UPP1: variants seen among roughly 807,000 people sequenced by gnomAD.
UPP1 encodes the protein UPase 1.
In UPP1, 25 loss-of-function variants were observed where a neutral mutation model predicts 29.6. The ratio of observed to expected loss-of-function variants is 0.85; its 90% CI spans 0.62 to 1.18. The LOEUF (loss-of-function observed/expected upper bound fraction) is 1.18, where lower values mean the gene tolerates loss of function less well. UPP1 is among the 50% of genes most tolerant of loss of function. The pLI, the probability that UPP1 is intolerant of heterozygous loss-of-function variation, is 0.00. For synonymous variants in UPP1, 165 were observed against 159.8 expected (o/e 1.03, Z -0.25); for missense variants, 368 against 410.4 (o/e 0.90, Z 0.89).
In UPP1 at chr7:48,108,459, A is replaced by G; in HGVS notation, c.*102A>G. 1 of 1,351,892 alleles carries G rather than the reference A, an allele frequency of 7.4e-7. No homozygotes were observed. Among genetic ancestry groups the G allele is most frequent in the Non-Finnish European group, 9.9e-7 (1 of 1,009,728 alleles). The allele number at this position is 1,351,892 out of a possible 1,614,324, so 83.7% of individuals were successfully genotyped here. On this transcript the variant is annotated 3_prime_UTR_variant, in exon 9 of 9. Coordinates refer to ENST00000395564, the MANE Select transcript of UPP1 (RefSeq NM_003364.4). ...GACTTTGAGCACACTTTACACAAGA[A>G]TCTAGAAAATCAGATCGCGATTAAG...
intron 2 of UPP1, among the ~76,000 whole-genome samples, chr7:48,091,474 G>C (rs1365207277): frequency 6.6e-6 from 1 of 152,158 alleles, no homozygotes; most frequent in Non-Finnish European, 1.5e-5. Flanking sequence ...GGGGAGCGAA[G>C]AGCATGGCTT....
intron 2 of UPP1, among the ~76,000 whole-genome samples, chr7:48,091,261 T>TA (rs547438908): frequency 6.0e-4 from 85 of 141,702 alleles, no homozygotes; most frequent in East Asian, 2.8e-3. Flanking sequence ...GGGTTAAAAC[T>TA]AAAAAAAAAA....
intron 4 of UPP1, among the ~76,000 whole-genome samples, chr7:48,100,099 G>C (rs549644535): frequency 6.6e-6 from 1 of 152,304 alleles, no homozygotes; most frequent in East Asian, 1.9e-4. Flanking sequence ...GGACAACATA[G>C]AGCGTAACCA....
chr7:48,093,350 A>G (rs1197669958), intron 2 of UPP1, among the ~76,000 whole-genome samples: 1 of 152,220 alleles, frequency 6.6e-6, no homozygotes, highest in Non-Finnish European at 1.5e-5. Context: ...GAAGGTGAGA[A>G]CCGTGTGGTG....
rs1432554199 is a variant in UPP1 at position 48,108,730 on chromosome 7, T to C, written c.*373T>C. The stretch of plus-strand genomic sequence containing the variant: ...TTCCTGATACATTAAAAAAATTCCA[T>C]GCACCACTTGCAATGAGAGATGACT... On this transcript the variant is annotated 3_prime_UTR_variant, in exon 9 of 9. Transcript: ENST00000395564. 1 of 172,666 alleles carries C rather than the reference T, an allele frequency of 5.8e-6. No homozygotes were observed. Among genetic ancestry groups the C allele is most frequent in the African/African-American group, 2.4e-5 (1 of 42,088 alleles). 10.7% of individuals were successfully genotyped at this position (172,666 alleles called of 1,614,324 possible). A position where few individuals can be genotyped will look rare whatever the true frequency, so the allele number is the denominator to read the frequency against.
chr7:48,099,092 A>G (rs2128812033), intron 3 of UPP1, among the ~76,000 whole-genome samples: 1 of 152,352 alleles, frequency 6.6e-6, no homozygotes, highest in African/African-American at 2.4e-5. Flanking sequence ...CTAGACCAGC[A>G]TGTGCCACGA....
chr7:48,106,289 G>C (rs1416626251), intron 6 of UPP1: 1 of 155,704 alleles, frequency 6.4e-6, no homozygotes, highest in Non-Finnish European at 1.4e-5. Context: ...GTACTTGAAG[G>C]TTCCTGGCCA....
intron 3 of UPP1, 98 bp downstream of exon 3, chr7:48,094,925 T>A: frequency 7.3e-7 from 1 of 1,374,208 alleles, no homozygotes; most frequent in Non-Finnish European, 1.0e-6. Flanking sequence ...TGACATATAT[T>A]AACACATTTG....
intron 6 of UPP1, among the ~76,000 whole-genome samples, chr7:48,104,232 A>C (rs183886925): frequency 6.6e-6 from 1 of 152,118 alleles, no homozygotes; most frequent in African/African-American, 2.4e-5. Context: ...CAACAACAAC[A>C]AACAAACAAA....
rs370845490 is a variant in UPP1, at chr7:48,108,375, C to T, written c.*18C>T. The T allele has an allele frequency of 2.2e-5, 35 of 1,604,390 alleles. No homozygotes were observed. The African/African-American group carries it at 2.5e-4, about 12-fold the overall frequency. ...AGGCCTGAGCGCTGCCCTGCACCTC[C>T]GCAGACCTGCTGTGATGACTTGCCA... is the stretch of plus-strand genomic sequence containing the variant. On this transcript the variant is annotated 3_prime_UTR_variant, in exon 9 of 9. Transcript: ENST00000395564.
At chr7:48,090,429 T>C (rs999510183) in intron 2 of UPP1, 65 bp downstream of exon 2, 13 of 152,274 alleles carry the variant, frequency 8.5e-5, no homozygotes, top group Non-Finnish European at 1.5e-5. Flanking sequence ...GTGAAGGCCA[T>C]AGAGGCAGTT....
Position 48,108,415 on chromosome 7 carries a change from C to A in UPP1, c.*58C>A. On this transcript the variant is annotated 3_prime_UTR_variant, in exon 9 of 9. Transcript: ENST00000395564. Reference sequence around the variant, plus strand: ...ATGACTTGCCATTAAAAGCATTGTCCAAAATCCCCTGTTGTGTGGACTTTG... The same window carrying A: ...ATGACTTGCCATTAAAAGCATTGTCAAAAATCCCCTGTTGTGTGGACTTTG... 1 of 1,567,120 alleles carries A rather than the reference C, an allele frequency of 6.4e-7. No homozygotes were observed. The highest frequency in any genetic ancestry group is 8.7e-7 in the Non-Finnish European group (1 of 1,148,608).
Position 48,101,987 on chromosome 7 carries a change from G to A in UPP1, c.321+5G>A. The A allele has an allele frequency of 6.2e-7, 1 of 1,612,514 alleles. No homozygotes were observed. The highest frequency in any genetic ancestry group is 8.5e-7 in the Non-Finnish European group (1 of 1,179,092). On this transcript the variant is annotated splice_donor_5th_base_variant and intron_variant, in intron 5 of 8. Transcript: ENST00000395564. ...GGACCGGTGCTGTCTGTCAGTGTGA[G>A]TACCTGCCTTCCCTTGTGCTCAGTC...
At chr7:48,107,239 A>T in intron 7 of UPP1, 122 bp from the exon 8 acceptor site, 7 of 1,426,782 alleles carry the variant, frequency 4.9e-6, no homozygotes, top group Non-Finnish European at 6.7e-6. Context: ...TTGAGTGGTC[A>T]TTATAGGCAG....
At chr7:48,104,698 A>G (rs1276838088) in intron 6 of UPP1, 2 of 152,196 alleles carry the variant, frequency 1.3e-5, no homozygotes, top group Non-Finnish European at 2.9e-5. Flanking sequence ...TATGACTGTA[A>G]TTCCAAGTTT....
At chr7:48,099,812 T>C (rs761355036) in intron 4 of UPP1, 25 bp downstream of exon 4, 1 of 1,530,398 alleles carries the variant, frequency 6.5e-7, no homozygotes, top group East Asian at 2.2e-5. Flanking sequence ...GTTGACACCT[T>C]GGAATTTGCC....
intron 3 of UPP1, among the ~76,000 whole-genome samples, chr7:48,096,139 G>A (rs1326936182): frequency 2.0e-5 from 3 of 152,070 alleles, no homozygotes; most frequent in East Asian, 1.9e-4. Context: ...AAACAGGGCC[G>A]GCACACCAAG....
At chr7:48,090,029 C>T (rs886821085) in intron 1 of UPP1, among the ~76,000 whole-genome samples, 159 bp from the exon 2 acceptor site, 3 of 152,206 alleles carry the variant, frequency 2.0e-5, no homozygotes, top group Non-Finnish European at 4.4e-5. Flanking sequence ...ATCGAGTCAA[C>T]ATTTAACAAA....
intron 2 of UPP1, among the ~76,000 whole-genome samples, chr7:48,090,997 C>T (rs1461042534): frequency 3.9e-5 from 6 of 152,180 alleles, no homozygotes; most frequent in African/African-American, 1.2e-4. Flanking sequence ...CTTTACTGAT[C>T]TTAAAATTAA....
Sources: allele counts gnomAD v4.1 joint callset (sites outside exome capture counted in the v4.1 genomes callset), GRCh38; gene constraint gnomAD v4.1.1; transcripts MANE v1.5; gene names NCBI Gene and HGNC (gene_info 2026-07-23, HGNC 2026-07-21).